Variants in OSBP2 observed in about 807,000 individuals in gnomAD.
OSBP2 encodes the protein oxysterol-binding protein 2.
A neutral mutation model predicts 96.0 loss-of-function variants in OSBP2; 66 were observed. The ratio of observed to expected loss-of-function variants is 0.69; its 90% confidence interval spans 0.56 to 0.84. OSBP2 has a LOEUF of 0.84. Ranked by LOEUF, OSBP2 falls within the 40% of genes least tolerant of loss-of-function variation. OSBP2 has a pLI of 0.00. For missense variants in OSBP2, 1,038 were observed against 1,222.7 expected, an observed-to-expected ratio of 0.85 and a Z score of 2.25; for synonymous variants, 525 against 520.9, an observed-to-expected ratio of 1.01 and a Z score of -0.11.
chr22:30,816,125 TAAAA>T (rs571593003), intron 2 of OSBP2, among the ~76,000 whole-genome samples: 4 of 151,254 alleles, frequency 2.6e-5, no homozygotes, highest in African/African-American at 7.3e-5. Context: ...ATTAAATAAT[TAAAA>T]AAAAATAAAA....
chr22:30,905,902 G>T lies in OSBP2; in HGVS notation c.2441G>T (p.Gly814Val). 2 of 1,613,218 alleles carry T rather than the reference G, an allele frequency of 1.2e-6. No homozygotes were observed. Among genetic ancestry groups the T allele is most frequent in the Non-Finnish European group, 1.7e-6 (2 of 1,179,696 alleles). ...LALTLNEHEE[G>V]VAPTDSRLRP... ...CTGACCCTCAACGAGCACGAGGAGG[G>T]CGTAGCGCCAACCGACAGCCGCCTG... The change falls in exon 13 of 14, where the codon GGC becomes GTC. Residue 814 changes from glycine (G) to valine (V), a missense_variant. By Grantham distance (109) the Gly-to-Val change is moderately radical (BLOSUM62 -3). Coordinates refer to ENST00000332585, the MANE Select transcript of OSBP2 (RefSeq NM_030758.4).
chr22:30,714,285 A>G (rs945391987), intron 1 of OSBP2, among the ~76,000 whole-genome samples: 4 of 152,118 alleles, frequency 2.6e-5, no homozygotes, highest in African/African-American at 7.2e-5. Flanking sequence ...TATATATACC[A>G]CATTTTCTTT....
Position 30,906,485 on chromosome 22 carries a change from T to A in OSBP2, c.*146T>A. On this transcript the variant is annotated 3_prime_UTR_variant, in exon 14 of 14. Coordinates refer to ENST00000332585, the MANE Select transcript of OSBP2 (RefSeq NM_030758.4). ...TCCTATTTTTTTTTTCTCCCCACAC[T>A]TTCTTGGGACTCCCACCTTGGAAGG... 1.0e-6 allele frequency: 1 copy of A among 1,000,570 alleles called. No individual in the cohort carries two copies. Among genetic ancestry groups the A allele is most frequent in the Non-Finnish European group, 1.4e-6 (1 of 729,892 alleles). 62.0% of individuals were successfully genotyped at this position (1,000,570 alleles called of 1,614,324 possible).
intron 2 of OSBP2, among the ~76,000 whole-genome samples, chr22:30,776,603 T>C (rs80252224): frequency 6.6e-6 from 1 of 152,092 alleles, no homozygotes; most frequent in South Asian, 2.1e-4. Context: ...TTTTTTTTTT[T>C]CCTTTTCTTT....
At chr22:30,823,982 A>G (rs759469449) in intron 2 of OSBP2, among the ~76,000 whole-genome samples, 3 of 152,142 alleles carry the variant, frequency 2.0e-5, no homozygotes, top group African/African-American at 7.2e-5. Context: ...AAAAGAAAAG[A>G]CATTGTTTTT....
Position 30,889,234 on chromosome 22 carries a change from T to TGTAA in OSBP2, c.1476+3_1476+6dup. 6.2e-7 allele frequency: 1 copy of TGTAA among 1,611,238 alleles called. No individual in the cohort carries two copies. The highest frequency in any genetic ancestry group is 1.3e-5 in the African/African-American group (1 of 74,516). ...CCGTGGACTGGAGCTCAGCAGACAA[T>TGTAA]GTAAGTGAGGGGGAGCACTGTAAGG... On this transcript the variant is annotated frameshift_variant and splice_region_variant. Coordinates refer to ENST00000332585, the MANE Select transcript of OSBP2 (RefSeq NM_030758.4). LOFTEE classifies it high-confidence loss of function.
chr22:30,744,753 T>G (rs1273539103), intron 2 of OSBP2, among the ~76,000 whole-genome samples: 2 of 151,918 alleles, frequency 1.3e-5, no homozygotes, highest in African/African-American at 4.8e-5. Flanking sequence ...AGAGTGAGAC[T>G]CTGTCTCAAA....
chr22:30,809,907 ACC>A (rs574160300), intron 2 of OSBP2, among the ~76,000 whole-genome samples: 72 of 152,218 alleles, frequency 4.7e-4, no homozygotes, highest in African/African-American at 1.7e-3. Flanking sequence ...GCAGGAGCTG[ACC>A]CTCAGGTCTC....
upstream of OSBP2, chr22:30,694,329 A>G (rs2088979546): frequency 6.5e-7 from 1 of 1,547,616 alleles, no homozygotes; most frequent in African/African-American, 1.4e-5. Context: ...CGGCCGCAGG[A>G]GCGACCCACA....
chr22:30,764,207 C>T (rs2090241867), intron 2 of OSBP2: 2 of 983,074 alleles, frequency 2.0e-6, no homozygotes, highest in African/African-American at 3.5e-5. Flanking sequence ...TCTGATATCA[C>T]AGCCCAGCAC....
At chr22:30,849,252 G>C (rs1029418455) in intron 2 of OSBP2, among the ~76,000 whole-genome samples, 3 of 152,134 alleles carry the variant, frequency 2.0e-5, no homozygotes, top group Non-Finnish European at 4.4e-5. Flanking sequence ...CTGGGCAACA[G>C]AGTGAGACCC....
In OSBP2 at chr22:30,695,051, C is replaced by G. The variant is rs762545204; in HGVS notation, c.142C>G (p.Pro48Ala). The G allele has an allele frequency of 1.3e-6, 2 of 1,589,800 alleles. No homozygotes were observed. The highest frequency in any genetic ancestry group is 1.7e-6 in the Non-Finnish European group (2 of 1,170,058). The change falls in exon 1 of 14, where the codon CCG (proline) becomes GCG (alanine). Residue 48 changes from proline to alanine, a missense_variant. Pro to Ala is a conservative substitution (Grantham distance 27, BLOSUM62 -1). Coordinates refer to ENST00000332585, the MANE Select transcript of OSBP2 (RefSeq NM_030758.4). ...GAGCGCTTCCACGTCCGGCTCCGGG[C>G]CGGAGCCCAAGCCCCAGCCCCAGCC... ...GMSASTSGSG[P>A]EPKPQPQPVP... is the part of the protein sequence containing the mutation.
chr22:30,893,709 C>T lies in OSBP2; in HGVS notation c.2166C>T (p.Tyr722=). The stretch of plus-strand genomic sequence containing the variant: ...AGCTGAAGTTCCTGCCCTACAGCTA[C>T]TTCTCCAAAGAGGCAGCCCGGAAGG... The part of the protein sequence containing the change: ...RCQLKFLPYS[Y]FSKEAARKVT... The change falls in exon 11 of 14, where the codon TAC becomes TAT. Residue 722 remains tyrosine (Y), a synonymous_variant. Transcript: ENST00000332585. The T allele has an allele frequency of 6.2e-7, 1 of 1,614,184 alleles. No homozygotes were observed. The highest frequency in any genetic ancestry group is 8.5e-7 in the Non-Finnish European group (1 of 1,180,008).
chr22:30,822,805 C>G, intron 2 of OSBP2: 1 of 1,042,832 alleles, frequency 9.6e-7, no homozygotes, highest in East Asian at 3.1e-5. Context: ...TCCACGGGAG[C>G]CTCTGATGTC....
chr22:30,877,981 A>G (rs1165660856), intron 3 of OSBP2, among the ~76,000 whole-genome samples: 1 of 152,232 alleles, frequency 6.6e-6, no homozygotes, highest in East Asian at 1.9e-4. Flanking sequence ...TCAGCGGCAA[A>G]AGGACCTTTA....
chr22:30,716,406 CCTTTTTTTGTTTGTTT>C (rs2089455617), intron 1 of OSBP2, among the ~76,000 whole-genome samples: 1 of 151,754 alleles, frequency 6.6e-6, no homozygotes, highest in South Asian at 2.1e-4. Context: ...CTGTTCAAAT[CCTTTTTTTGTTTGTTT>C]GTTTTTTTGT....
intron 2 of OSBP2, among the ~76,000 whole-genome samples, chr22:30,842,082 G>C (rs1325716121): frequency 6.6e-6 from 1 of 152,012 alleles, no homozygotes; most frequent in African/African-American, 2.4e-5. Context: ...GAGTAGCTGG[G>C]ACCACAGGGG....
chr22:30,729,723 C>T (rs2089714595), intron 1 of OSBP2, among the ~76,000 whole-genome samples: 1 of 151,802 alleles, frequency 6.6e-6, no homozygotes, highest in African/African-American at 2.4e-5. Context: ...GGTAGGAAAT[C>T]AGCTGGTCAT....
chr22:30,762,026 G>A (rs2090209848), intron 2 of OSBP2, among the ~76,000 whole-genome samples: 1 of 148,878 alleles, frequency 6.7e-6, no homozygotes, highest in Non-Finnish European at 1.5e-5. Context: ...TTCGAGACCA[G>A]CCTGGGCGAT....
Sources: allele counts gnomAD v4.1 joint callset (sites outside exome capture counted in the v4.1 genomes callset), GRCh38; gene constraint gnomAD v4.1.1; transcripts MANE v1.5; gene names NCBI Gene and HGNC (gene_info 2026-07-23, HGNC 2026-07-21).